SMLR1: variants seen among roughly 807,000 people sequenced by gnomAD.
SMLR1 encodes the protein small leucine rich protein 1, also known as small leucine-rich protein 1.
In SMLR1, 3 loss-of-function variants were observed where a neutral mutation model predicts 6.1. That is an observed-to-expected ratio of 0.49 (90% confidence interval 0.22 to 1.28). SMLR1 has a LOEUF of 1.28. SMLR1 is among the 50% of genes most tolerant of loss of function. The pLI is 0.19. For synonymous variants in SMLR1, 55 were observed against 53.6 expected, an observed-to-expected ratio of 1.03 and a Z score of -0.11; for missense variants, 126 against 124.8, an observed-to-expected ratio of 1.01 and a Z score of -0.05.
At chr6:130,833,252 T>C (rs1774524918) in intron 1 of SMLR1, among the ~76,000 whole-genome samples, 1 of 152,184 alleles carries the variant, frequency 6.6e-6, no homozygotes, top group South Asian at 2.1e-4. Flanking sequence ...TCACTGTAGA[T>C]TGACGAGCTT....
rs185249198 is a variant in SMLR1, at chr6:130,834,952, G to T, written c.321G>T (p.Thr107=). The T allele has an allele frequency of 1.6e-4, 248 of 1,534,982 alleles. No homozygotes were observed. Among genetic ancestry groups the T allele is most frequent in the Middle Eastern group, 1.5e-3 (9 of 5,976 alleles). The change falls in exon 2 of 2, where the codon ACG becomes ACT. Residue 107 remains threonine (T), a synonymous_variant. Coordinates refer to ENST00000541421, the MANE Select transcript of SMLR1 (RefSeq NM_001195597.2). ...GSSLYQRMKW[T] ...CCCTGTACCAGAGAATGAAATGGAC[G>T]TGAAGTTGGGGACTTTCCAATAACT... is the stretch of plus-strand genomic sequence containing the variant.
chr6:130,834,578 C>T (rs1379195142), intron 1 of SMLR1, among the ~76,000 whole-genome samples: 1 of 152,128 alleles, frequency 6.6e-6, no homozygotes, highest in Non-Finnish European at 1.5e-5. Context: ...GTGGGAGTTT[C>T]AACTTAATCA....
At chr6:130,828,950 T>A (rs1774360134) in intron 1 of SMLR1, among the ~76,000 whole-genome samples, 1 of 152,182 alleles carries the variant, frequency 6.6e-6, no homozygotes. Context: ...CCCAAGATCA[T>A]AACCATGGCT....
At chr6:130,833,804 C>T (rs901967683) in intron 1 of SMLR1, among the ~76,000 whole-genome samples, 1 of 152,104 alleles carries the variant, frequency 6.6e-6, no homozygotes, top group African/African-American at 2.4e-5. Flanking sequence ...TGTCACTCTC[C>T]AACACATATG....
At chr6:130,829,560 C>T (rs1051900927) in intron 1 of SMLR1, among the ~76,000 whole-genome samples, 1 of 152,180 alleles carries the variant, frequency 6.6e-6, no homozygotes, top group African/African-American at 2.4e-5. Flanking sequence ...CGCTGATGCC[C>T]TCCTATCTTC....
intron 1 of SMLR1, among the ~76,000 whole-genome samples, chr6:130,831,238 A>G (rs912448116): frequency 8.5e-5 from 13 of 152,188 alleles, no homozygotes; most frequent in African/African-American, 2.9e-4. Flanking sequence ...TGGTCAGGGT[A>G]GCAGCTGATG....
chr6:130,830,189 C>A (rs1774396994), intron 1 of SMLR1, among the ~76,000 whole-genome samples: 1 of 152,096 alleles, frequency 6.6e-6, no homozygotes, highest in African/African-American at 2.4e-5. Context: ...GATCAAAGAG[C>A]TATAATAATA....
chr6:130,833,090 A>G (rs562785768), intron 1 of SMLR1, among the ~76,000 whole-genome samples: 1 of 152,304 alleles, frequency 6.6e-6, no homozygotes, highest in East Asian at 1.9e-4. Context: ...CCAACTGCCT[A>G]TCGAATCTCT....
At chr6:130,832,501 A>G (rs1774494223) in intron 1 of SMLR1, among the ~76,000 whole-genome samples, 1 of 152,212 alleles carries the variant, frequency 6.6e-6, no homozygotes, top group Admixed American at 6.5e-5. Context: ...AAATAGAAAT[A>G]ACAGCAGGAC....
intron 1 of SMLR1, among the ~76,000 whole-genome samples, chr6:130,832,889 A>T (rs1275290726): frequency 2.0e-5 from 3 of 152,106 alleles, no homozygotes; most frequent in African/African-American, 4.8e-5. Context: ...CAAGGCAAAA[A>T]TTTTACAACA....
In SMLR1 at chr6:130,827,525, A is replaced by G. The variant is rs1562254422; in HGVS notation, c.112A>G (p.Met38Val). 1 of 1,535,920 alleles carries G rather than the reference A, an allele frequency of 6.5e-7. No homozygotes were observed. Among genetic ancestry groups the G allele is most frequent in the Non-Finnish European group, 8.7e-7 (1 of 1,146,826 alleles). The change falls in exon 1 of 2, where the codon ATG becomes GTG. Residue 38 changes from methionine to valine, a missense_variant. Met to Val is a conservative substitution (Grantham distance 21, BLOSUM62 1). Coordinates refer to ENST00000541421, the MANE Select transcript of SMLR1 (RefSeq NM_001195597.2). The stretch of plus-strand genomic sequence containing the variant: ...CCCCGTGGGGTCTGTGTGGTTGGCA[A>G]TGAGCTCTGTGCTGTCAGCTTTCAT... ...MVPVGSVWLA[M>V]SSVLSAFMRE...
intron 1 of SMLR1, among the ~76,000 whole-genome samples, chr6:130,829,920 AC>A (rs1774388837): frequency 6.6e-6 from 1 of 152,192 alleles, no homozygotes; most frequent in African/African-American, 2.4e-5. Flanking sequence ...CATTACACCA[AC>A]TTTAAAGCTT....
chr6:130,828,608 T>C (rs1012004764), intron 1 of SMLR1, among the ~76,000 whole-genome samples: 1 of 152,184 alleles, frequency 6.6e-6, no homozygotes, highest in Non-Finnish European at 1.5e-5. Flanking sequence ...ATGAGGGATA[T>C]TTCTTCCTAA....
intron 1 of SMLR1, among the ~76,000 whole-genome samples, chr6:130,831,341 T>C (rs1562256433): frequency 6.6e-6 from 1 of 152,166 alleles, no homozygotes; most frequent in East Asian, 1.9e-4. Flanking sequence ...TCAGTGCATC[T>C]ATTTTTTTTT....
intron 1 of SMLR1, among the ~76,000 whole-genome samples, chr6:130,832,045 GGTGGAAGTAT>G (rs1407034779): frequency 6.6e-6 from 1 of 152,092 alleles, no homozygotes; most frequent in African/African-American, 2.4e-5. Context: ...TAGCTCTTGG[GGTGGAAGTAT>G]GTGTCATGAA....
chr6:130,834,353 G>T (rs2236082), intron 1 of SMLR1, among the ~76,000 whole-genome samples: 56,742 of 151,904 alleles, frequency 0.37, 11,343 homozygotes, highest in East Asian at 0.65. Context: ...TAATTCGATG[G>T]CATGGTGAGT....
Position 130,835,100 on chromosome 6 carries a change from C to A in SMLR1, c.*145C>A, listed in dbSNP as rs1184958887. The A allele has an allele frequency of 3.0e-6, 2 of 672,500 alleles. No individual in the cohort carries two copies. Among genetic ancestry groups the A allele is most frequent in the South Asian group, 1.9e-5 (1 of 53,372 alleles). The allele number at this position is 672,500 out of a possible 1,614,324, so 41.7% of individuals were successfully genotyped here. On this transcript the variant is annotated 3_prime_UTR_variant, in exon 2 of 2. Transcript: ENST00000541421. ...ACTAAGATACTCATTCTGAACCATACTGAAAAGTGGCAGCTATTATCTAAG... is the reference window on the plus strand; with the variant it reads ...ACTAAGATACTCATTCTGAACCATAATGAAAAGTGGCAGCTATTATCTAAG...
rs1050096879 is a variant in SMLR1 at position 130,827,608 on chromosome 6, G to A, written c.195G>A (p.Leu65=). ...GGGTCTTCCTCCCCGTGACTTTGCTGCTGCTCCTCCTCATCGCCTACTTCA... is the reference window on the plus strand; with the variant it reads ...GGGTCTTCCTCCCCGTGACTTTGCTACTGCTCCTCCTCATCGCCTACTTCA... ...FFGVFLPVTL[L]LLLLIAYFRI... is the part of the protein sequence containing the mutation. The change falls in exon 1 of 2, where the codon CTG becomes CTA. Residue 65 remains leucine, a synonymous_variant. Transcript: ENST00000541421. The A allele has an allele frequency of 2.0e-6, 3 of 1,536,024 alleles. No individual in the cohort carries two copies. Among genetic ancestry groups the A allele is most frequent in the Non-Finnish European group, 2.6e-6 (3 of 1,146,846 alleles).
Position 130,827,603 on chromosome 6 carries a change from T to G in SMLR1, c.190T>G (p.Leu64Val), listed in dbSNP as rs1181495932. 1 of 1,535,960 alleles carries G rather than the reference T, an allele frequency of 6.5e-7. No individual in the cohort carries two copies. The highest frequency in any genetic ancestry group is 2.4e-5 in the East Asian group (1 of 40,910). ...CTTTGGGGTCTTCCTCCCCGTGACT[T>G]TGCTGCTGCTCCTCCTCATCGCCTA... ...LFFGVFLPVT[L>V]LLLLLIAYFR... The change falls in exon 1 of 2, where the codon TTG becomes GTG. Residue 64 changes from leucine to valine, a missense_variant. Leu to Val is a conservative substitution (Grantham distance 32). Transcript: ENST00000541421.
Sources: gnomAD v4.1 joint callset for allele counts (sites outside exome capture counted in the v4.1 genomes callset) on GRCh38, gnomAD v4.1.1 for gene constraint, MANE v1.5 for transcripts, NCBI Gene and HGNC (gene_info 2026-07-23, HGNC 2026-07-21) for gene names.